Variants in SPRTN observed in about 807,000 individuals in gnomAD.
SPRTN encodes the protein DNA-dependent metalloprotease SPRTN.
SPRTN carries 11 observed loss-of-function variants against 31.9 expected under a neutral mutation model. The observed-to-expected ratio is 0.34, with a 90% CI of 0.22 to 0.57. The LOEUF (loss-of-function observed/expected upper bound fraction) is 0.57, where lower values mean the gene tolerates loss of function less well. SPRTN is among the 20% of genes least tolerant of loss of function. The pLI, the probability that SPRTN is intolerant of heterozygous loss-of-function variation, is 0.86. For missense variants in SPRTN, 482 were observed against 590.1 expected (o/e 0.82, Z 1.90); for synonymous variants, 185 against 212.1 (o/e 0.87, Z 1.11).
In SPRTN at chr1:231,344,835, G is replaced by A. The variant is rs951718091; in HGVS notation, c.322-2962G>A. On this transcript the variant is annotated intron_variant, in intron 2 of 4. Transcript: ENST00000295050. ...TTGCACAGAAACTTGTGCATCTTTG[G>A]TGTGGAATGAGCAGTAGGTTTTAGT... The A allele has an allele frequency of 3.3e-5, 8 of 244,644 alleles. No individual in the cohort carries two copies. The East Asian group carries it at 8.1e-4, about 25-fold the overall frequency. 15.2% of individuals were successfully genotyped at this position (244,644 alleles called of 1,614,324 possible).
In SPRTN at chr1:231,352,480, G is replaced by T. The variant is rs1418757426; in HGVS notation, c.719-130G>T. 3 of 1,431,276 alleles carry T rather than the reference G, an allele frequency of 2.1e-6. No individual in the cohort carries two copies. The African/African-American group carries it at 4.3e-5, about 21-fold the overall frequency. 88.7% of individuals were successfully genotyped at this position (1,431,276 alleles called of 1,614,324 possible). ...TTGCCCTCCTCCCATTAATAGGATTGTATGGATGTAAGATGGAATAAAATA... is the reference window on the plus strand; with the variant it reads ...TTGCCCTCCTCCCATTAATAGGATTTTATGGATGTAAGATGGAATAAAATA... On this transcript the variant is annotated intron_variant, in intron 4 of 4. Transcript: ENST00000295050.
intron 2 of SPRTN, among the ~76,000 whole-genome samples, chr1:231,347,349 G>GT (rs1298397529): frequency 6.6e-6 from 1 of 151,988 alleles, no homozygotes; most frequent in Non-Finnish European, 1.5e-5. Flanking sequence ...AATGAGGTGG[G>GT]TTTTTTGTTG....
intron 1 of SPRTN, 124 bp downstream of exon 1, chr1:231,338,728 G>A: frequency 9.0e-7 from 1 of 1,109,366 alleles, no homozygotes; most frequent in Non-Finnish European, 1.3e-6. Context: ...GGGGAGTCTG[G>A]TTTTGGACCT....
At chr1:231,347,585 A>G in intron 2 of SPRTN, 1 of 494,754 alleles carries the variant, frequency 2.0e-6, no homozygotes, top group South Asian at 3.6e-5. Flanking sequence ...GTTGGTCTCC[A>G]ACCCCTGGGC....
intron 3 of SPRTN, among the ~76,000 whole-genome samples, chr1:231,348,586 T>G (rs1421437913): frequency 6.6e-6 from 1 of 152,206 alleles, no homozygotes; most frequent in Non-Finnish European, 1.5e-5. Context: ...CCTTTTTTAC[T>G]GCCTCCAACT....
intron 1 of SPRTN, among the ~76,000 whole-genome samples, chr1:231,338,858 T>G (rs533955707): frequency 1.3e-5 from 2 of 152,314 alleles, no homozygotes; most frequent in South Asian, 4.1e-4. Context: ...AAAAGAGATT[T>G]TTATTTGAAT....
intron 3 of SPRTN, 147 bp from the exon 4 acceptor site, chr1:231,351,157 T>G (rs1687214006): frequency 8.6e-7 from 1 of 1,161,692 alleles, no homozygotes. Flanking sequence ...AGTTGCTTTC[T>G]CTCCTAAAAT....
intron 2 of SPRTN, among the ~76,000 whole-genome samples, chr1:231,341,306 CAAAGTGGGACCAG>C (rs1686883650): frequency 6.6e-6 from 1 of 151,372 alleles, no homozygotes; most frequent in African/African-American, 2.4e-5. Context: ...ACTCATTATC[CAAAGTGGGACCAG>C]AAGTGTTTCA....
chr1:231,346,567 A>T (rs568913826), intron 2 of SPRTN, among the ~76,000 whole-genome samples: 1 of 152,018 alleles, frequency 6.6e-6, no homozygotes, highest in African/African-American at 2.4e-5. Flanking sequence ...AGCTCCTTGT[A>T]TATTAGGAAT....
At chr1:231,348,022 T>C in intron 3 of SPRTN, 97 bp downstream of exon 3, 3 of 1,497,634 alleles carry the variant, frequency 2.0e-6, no homozygotes, top group Non-Finnish European at 2.7e-6. Context: ...GAAACAAGTA[T>C]CTTTGAGGAT....
chr1:231,346,504 C>G lies in SPRTN; in HGVS notation c.322-1293C>G, dbSNP rs143557134. The stretch of plus-strand genomic sequence containing the variant: ...GTCATTTATACTTCTTCTGTGAACT[C>G]CATGGTCTTTGCCCATTTTGAAATT... On this transcript the variant is annotated intron_variant, in intron 2 of 4. Coordinates refer to ENST00000295050, the MANE Select transcript of SPRTN (RefSeq NM_032018.7). Among the ~76,000 whole-genome samples the G allele has an allele frequency of 5.4e-4, 82 of 151,948 alleles. No individual in the cohort carries two copies. In the Middle Eastern group the frequency reaches 0.014, roughly 25 times the overall value.
chr1:231,348,962 C>T (rs1687144112), intron 3 of SPRTN, among the ~76,000 whole-genome samples: 1 of 152,072 alleles, frequency 6.6e-6, no homozygotes, highest in Non-Finnish European at 1.5e-5. Context: ...CAGTGCTCAA[C>T]CGCCATGTTT....
chr1:231,352,223 A>G (rs1687259964), intron 4 of SPRTN: 1 of 996,476 alleles, frequency 1.0e-6, no homozygotes, highest in South Asian at 4.6e-5. Flanking sequence ...AGAGCTATAG[A>G]TGAATTGATA....
rs149447916 is a variant in SPRTN, at chr1:231,347,802, C to G, written c.327C>G (p.Leu109=). The G allele has an allele frequency of 2.1e-4, 346 of 1,610,126 alleles. 1 individual carries two copies. Among genetic ancestry groups the G allele is most frequent in the Non-Finnish European group, 2.8e-4 (330 of 1,179,106 alleles). The part of the protein sequence containing the change: ...LRPRKDLVET[L]LHEMIHAYLF... Reference sequence around the variant, plus strand: ...TTGAATATTTTATGTTCCAGACCCTCCTGCATGAAATGATACATGCCTATT... The same window carrying G: ...TTGAATATTTTATGTTCCAGACCCTGCTGCATGAAATGATACATGCCTATT... Residue 109 remains leucine (L), a synonymous_variant, in exon 3 of 5, where the codon CTC becomes CTG. Coordinates refer to ENST00000295050, the MANE Select transcript of SPRTN (RefSeq NM_032018.7).
intron 2 of SPRTN, among the ~76,000 whole-genome samples, chr1:231,341,974 A>C (rs1423759081): frequency 6.6e-6 from 1 of 152,160 alleles, no homozygotes. Flanking sequence ...GTGACAGAGC[A>C]AGACCCTGTC....
Position 231,352,980 on chromosome 1 carries a change from A to G in SPRTN, c.1089A>G (p.Ser363=). The G allele has an allele frequency of 6.2e-7, 1 of 1,614,124 alleles. No homozygotes were observed. The highest frequency in any genetic ancestry group is 8.5e-7 in the Non-Finnish European group (1 of 1,179,978). ...CAGTTGGCAACATCCCTAAAAACTC[A>G]GTCTCTTCTAGTTCTCAGAGAAGGG... ...SVTVGNIPKN[S]VSSSSQRRVS... Residue 363 remains serine, a synonymous_variant, in exon 5 of 5, where the codon TCA becomes TCG. Transcript: ENST00000295050.
chr1:231,353,471 A>G lies in SPRTN; in HGVS notation c.*110A>G, dbSNP rs1389503907. On this transcript the variant is annotated 3_prime_UTR_variant, in exon 5 of 5. Coordinates refer to ENST00000295050, the MANE Select transcript of SPRTN (RefSeq NM_032018.7). ...AGATTTGTAGGTTATAATCTAGTTC[A>G]CATAACCAATAGAAAGTGTCCTATT... 2.8e-6 allele frequency: 4 copies of G among 1,439,334 alleles called. No individual in the cohort carries two copies. Among genetic ancestry groups the G allele is most frequent in the East Asian group, 2.5e-5 (1 of 40,624 alleles). 89.2% of individuals were successfully genotyped at this position (1,439,334 alleles called of 1,614,324 possible). A position where few individuals can be genotyped will look rare whatever the true frequency, so the allele number is the denominator to read the frequency against.
intron 2 of SPRTN, among the ~76,000 whole-genome samples, chr1:231,343,002 G>A (rs899660887): frequency 5.3e-5 from 8 of 151,992 alleles, no homozygotes; most frequent in African/African-American, 1.7e-4. Context: ...CTCCCAAAGT[G>A]CTGGGATTAC....
At chr1:231,351,812 T>G in intron 4 of SPRTN, 41 of 1,129,960 alleles carry the variant, frequency 3.6e-5, no homozygotes, top group Non-Finnish European at 4.3e-5. Flanking sequence ...TTTATTTTTA[T>G]TAACTTTTTT....
Sources: allele counts gnomAD v4.1 joint callset (sites outside exome capture counted in the v4.1 genomes callset), GRCh38; gene constraint gnomAD v4.1.1; transcripts MANE v1.5; gene names NCBI Gene and HGNC (gene_info 2026-07-23, HGNC 2026-07-21).